SEMA3A: variants seen among roughly 807,000 people sequenced by gnomAD.
The protein encoded by SEMA3A is semaphorin-3A.
In SEMA3A, 29 loss-of-function variants were observed where a neutral mutation model predicts 97.9. That is an observed-to-expected ratio of 0.30 (90% CI 0.22 to 0.40). The LOEUF (loss-of-function observed/expected upper bound fraction) is 0.40, where lower values mean the gene tolerates loss of function less well. Ranked by LOEUF, SEMA3A falls within the 10% of genes least tolerant of loss-of-function variation. The pLI, the probability that SEMA3A is intolerant of heterozygous loss-of-function variation, is 1.00. For synonymous variants in SEMA3A, 321 were observed against 323.7 expected (o/e 0.99, Z 0.09); for missense variants, 763 against 951.3 (o/e 0.80, Z 2.60).
At chr7:84,171,096 A>T (rs1797369544) in intron 1 of SEMA3A, among the ~76,000 whole-genome samples, 1 of 152,138 alleles carries the variant, frequency 6.6e-6, no homozygotes, top group African/African-American at 2.4e-5. Context: ...GATGGAATAC[A>T]CTATCACACT....
At chr7:84,119,492 T>A (rs898270187) in intron 3 of SEMA3A, among the ~76,000 whole-genome samples, 1 of 152,220 alleles carries the variant, frequency 6.6e-6, no homozygotes, top group African/African-American at 2.4e-5. Flanking sequence ...AGTTTCATGA[T>A]GTCCTGTGGA....
At chr7:84,100,260 A>T (rs899005361) in intron 4 of SEMA3A, among the ~76,000 whole-genome samples, 1 of 152,158 alleles carries the variant, frequency 6.6e-6, no homozygotes, top group African/African-American at 2.4e-5. Flanking sequence ...GTGTAAATCC[A>T]GGAGAAAAAA....
intron 12 of SEMA3A, among the ~76,000 whole-genome samples, chr7:84,000,956 A>G (rs572409287): frequency 6.6e-6 from 1 of 152,228 alleles, no homozygotes; most frequent in South Asian, 2.1e-4. Flanking sequence ...CAGCCTATTC[A>G]TTTTATAGGT....
chr7:84,205,400 A>G (rs1798466079), intron 3 of SEMA3A, among the ~76,000 whole-genome samples: 1 of 152,174 alleles, frequency 6.6e-6, no homozygotes, highest in South Asian at 2.1e-4. Flanking sequence ...TACTTTTGGT[A>G]TCATTGTTAA....
chr7:84,143,758 T>G lies in SEMA3A; in HGVS notation c.113-8807A>C, dbSNP rs1014050888. 4.6e-5 allele frequency among the ~76,000 whole-genome samples: 7 copies of G among 151,010 alleles called. No individual in the cohort carries two copies. In the East Asian group the frequency reaches 1.4e-3, roughly 30 times the overall value. ...GGGAGGATGTTTTGAGCCCAGGAAT[T>G]CAAGTTTGCTGTGAGCTATGATTAC... On this transcript the variant is annotated intron_variant, in intron 1 of 16. Transcript: ENST00000265362.
chr7:84,260,734 G>A (rs13230582), intron 3 of SEMA3A, among the ~76,000 whole-genome samples: 2 of 152,174 alleles, frequency 1.3e-5, no homozygotes, highest in African/African-American at 4.8e-5. Flanking sequence ...CCAAGGGGGG[G>A]ACTGAGGGAG....
Position 84,413,702 on chromosome 7 carries a change from T to C in SEMA3A, c.-245-41802A>G, listed in dbSNP as rs1477361637. Among the ~76,000 whole-genome samples the C allele has an allele frequency of 2.6e-5, 4 of 152,018 alleles. No homozygotes were observed. In the East Asian group the frequency reaches 7.7e-4, roughly 29 times the overall value. On this transcript the variant is annotated intron_variant, in intron 1 of 3. Transcript: ENST00000424555. ...AGTAGTAGAAGTAAAAATCAATCAA[T>C]TGAAATTGCGTATGTAGAGAGAAAA...
chr7:84,433,229 C>T (rs560367393), intron 1 of SEMA3A, among the ~76,000 whole-genome samples: 39 of 151,492 alleles, frequency 2.6e-4, no homozygotes, highest in African/African-American at 9.0e-4. Context: ...CTCCCCTAGC[C>T]TCCCACCCCC....
chr7:84,301,914 T>G (rs1801027946), intron 3 of SEMA3A, among the ~76,000 whole-genome samples: 3 of 152,154 alleles, frequency 2.0e-5, no homozygotes, highest in African/African-American at 7.2e-5. Context: ...TCTCCCTGAT[T>G]TTCCAATCCA....
intron 2 of SEMA3A, among the ~76,000 whole-genome samples, chr7:84,367,564 C>T (rs563111801): frequency 6.0e-5 from 9 of 150,822 alleles, no homozygotes; most frequent in African/African-American, 2.2e-4. Flanking sequence ...TAGCTCCACA[C>T]AGCTCTTCCA....
intron 3 of SEMA3A, among the ~76,000 whole-genome samples, chr7:84,124,459 C>G (rs1051768211): frequency 6.6e-6 from 1 of 152,126 alleles, no homozygotes; most frequent in African/African-American, 2.4e-5. Flanking sequence ...CACTCACATC[C>G]ATTCTTGTGG....
chr7:84,231,812 G>C (rs185398484), intron 3 of SEMA3A, among the ~76,000 whole-genome samples: 2 of 151,892 alleles, frequency 1.3e-5, no homozygotes, highest in African/African-American at 4.8e-5. Context: ...ACAAAGCCAA[G>C]GCCAATGTCA....
At chr7:84,302,226 A>G (rs1368487495) in intron 3 of SEMA3A, among the ~76,000 whole-genome samples, 1 of 150,870 alleles carries the variant, frequency 6.6e-6, no homozygotes, top group Non-Finnish European at 1.5e-5. Flanking sequence ...AATGCATAGT[A>G]TCAAAAAAGG....
chr7:84,354,806 T>C (rs1003405000), intron 2 of SEMA3A, among the ~76,000 whole-genome samples: 2 of 151,824 alleles, frequency 1.3e-5, no homozygotes, highest in Middle Eastern at 3.4e-3. Flanking sequence ...GCAGAACAAA[T>C]AGTTGTATAA....
intron 2 of SEMA3A, among the ~76,000 whole-genome samples, chr7:84,324,534 A>G (rs578219032): frequency 4.9e-4 from 75 of 152,320 alleles, no homozygotes; most frequent in African/African-American, 1.7e-3. Flanking sequence ...AACAAAACAA[A>G]TGCTGTTTTG....
chr7:84,014,419 AT>A, intron 6 of SEMA3A, 68 bp from the exon 7 acceptor site: 1 of 1,301,984 alleles, frequency 7.7e-7, no homozygotes, highest in East Asian at 2.5e-5. Flanking sequence ...TGAACAGTCC[AT>A]TTTTACTTTT....
intron 2 of SEMA3A, among the ~76,000 whole-genome samples, chr7:84,316,425 CAATGCACAGAACAA>C (rs1227592025): frequency 6.6e-6 from 1 of 151,816 alleles, no homozygotes; most frequent in Non-Finnish European, 1.5e-5. Flanking sequence ...AGTTATTTCA[CAATGCACAGAACAA>C]ATGTACACAA....
At position 84,311,201 on chromosome 7, in the gene SEMA3A, A is replaced by G. The variant is rs550773561; in HGVS notation, c.-168-3909T>C. Among the ~76,000 whole-genome samples the G allele has an allele frequency of 7.0e-4, 106 of 152,130 alleles. 2 individuals carry two copies. In the South Asian group the frequency reaches 0.021, roughly 30 times the overall value. On this transcript the variant is annotated intron_variant, in intron 2 of 3. Transcript: ENST00000424555. ...AGGTGCAAAATTAAATTAGACATAC[A>G]ACCAAAATATAACCTTCTGGCCAGC...
intron 1 of SEMA3A, among the ~76,000 whole-genome samples, chr7:84,168,076 A>G (rs1026557093): frequency 2.0e-5 from 3 of 152,140 alleles, no homozygotes; most frequent in African/African-American, 7.2e-5. Context: ...ACCTATGAAG[A>G]AATAAGGCAC....
Sources: allele counts gnomAD v4.1 joint callset (sites outside exome capture counted in the v4.1 genomes callset), GRCh38; gene constraint gnomAD v4.1.1; transcripts MANE v1.5; gene names NCBI Gene and HGNC (gene_info 2026-07-23, HGNC 2026-07-21).